The following SNX29 variants were observed in gnomAD, a reference collection of about 807,000 sequenced individuals.
SNX29 encodes the protein sorting nexin 29.
A neutral mutation model predicts 102.1 loss-of-function variants in SNX29; 78 were observed. That is an observed-to-expected ratio of 0.76 (90% confidence interval 0.64 to 0.92). SNX29 has a LOEUF of 0.92. Ranked by LOEUF, SNX29 falls within the 40% of genes least tolerant of loss-of-function variation. SNX29 has a pLI of 0.00. For synonymous variants in SNX29, 580 were observed against 414.5 expected, an observed-to-expected ratio of 1.40 and a Z score of -4.85; for missense variants, 1,280 against 1,061.7, an observed-to-expected ratio of 1.21 and a Z score of -2.86.
At chr16:12,181,394 C>G (rs2076381390) in intron 13 of SNX29, among the ~76,000 whole-genome samples, 3 of 152,198 alleles carry the variant, frequency 2.0e-5, no homozygotes, top group South Asian at 4.1e-4. Context: ...CAACTCGAAG[C>G]AGGGCTTCCA....
intron 20 of SNX29, among the ~76,000 whole-genome samples, chr16:12,552,598 A>C (rs1360342993): frequency 6.6e-6 from 1 of 152,168 alleles, no homozygotes; most frequent in African/African-American, 2.4e-5. Flanking sequence ...TTATATTCTC[A>C]TGGGGATGAC....
At chr16:12,556,719 A>C (rs1276380861) in intron 20 of SNX29, among the ~76,000 whole-genome samples, 1 of 152,140 alleles carries the variant, frequency 6.6e-6, no homozygotes, top group African/African-American at 2.4e-5. Flanking sequence ...TGGGTCTTGG[A>C]TTTTGTTTGG....
intron 16 of SNX29, among the ~76,000 whole-genome samples, chr16:12,379,996 A>C (rs13339535): frequency 0.028 from 4,234 of 152,204 alleles, 201 homozygotes; most frequent in African/African-American, 0.097. Context: ...CAAGTTGTCC[A>C]GGAGGCAGAT....
At chr16:12,181,496 G>A (rs914444049) in intron 13 of SNX29, among the ~76,000 whole-genome samples, 1 of 152,226 alleles carries the variant, frequency 6.6e-6, no homozygotes, top group African/African-American at 2.4e-5. Context: ...ATTCAGCTCA[G>A]TGAGTAGAGG....
rs2084667530 is a variant in SNX29 at position 12,417,094 on chromosome 16, G to A, written c.2037+13565G>A. Among the ~76,000 whole-genome samples the A allele has an allele frequency of 2.0e-5, 3 of 152,252 alleles. No homozygotes were observed. In the South Asian group the frequency reaches 6.2e-4, roughly 31 times the overall value. On this transcript the variant is annotated intron_variant, in intron 18 of 20. Transcript: ENST00000566228. ...TGCAGCCAGGGTGCCAGCCACCTCAGGCACAGTACTTCTTGGGAGCCTACC... is the reference window on the plus strand; with the variant it reads ...TGCAGCCAGGGTGCCAGCCACCTCAAGCACAGTACTTCTTGGGAGCCTACC...
chr16:12,013,498 A>AAAAAAAAAATAT (rs2056731896), intron 3 of SNX29, among the ~76,000 whole-genome samples: 1 of 33,528 alleles, frequency 3.0e-5, no homozygotes, highest in Non-Finnish European at 5.6e-5. Flanking sequence ...GAAAAAAAAA[A>AAAAAAAAAATAT]AAATATATAT....
rs746591251 is a variant in SNX29 at position 12,572,072 on chromosome 16, C to T, written c.*3443C>T. 4.1e-5 allele frequency: 44 copies of T among 1,063,602 alleles called. No individual in the cohort carries two copies. The Middle Eastern group carries it at 1.3e-3, about 30-fold the overall frequency. 65.9% of individuals were successfully genotyped at this position (1,063,602 alleles called of 1,614,324 possible). On this transcript the variant is annotated 3_prime_UTR_variant, in exon 21 of 21. Transcript: ENST00000566228. The stretch of plus-strand genomic sequence containing the variant: ...AAACAAGGGAACCATCTTGCAAGAT[C>T]TAGGAAGAGGAAGGGGAGGGATGTG...
intron 13 of SNX29, among the ~76,000 whole-genome samples, chr16:12,195,940 T>G (rs1032844398): frequency 1.3e-5 from 2 of 151,586 alleles, no homozygotes; most frequent in African/African-American, 4.8e-5. Flanking sequence ...TGGTTGTGAG[T>G]TTTTGGATAG....
At chr16:12,148,353 G>A (rs1313589984) in intron 13 of SNX29, among the ~76,000 whole-genome samples, 1 of 152,174 alleles carries the variant, frequency 6.6e-6, no homozygotes, top group East Asian at 1.9e-4. Context: ...CTTGTTTCTG[G>A]TAATGTGAGC....
At chr16:12,352,152 G>T (rs2082007248) in intron 15 of SNX29, among the ~76,000 whole-genome samples, 1 of 152,170 alleles carries the variant, frequency 6.6e-6, no homozygotes, top group South Asian at 2.1e-4. Flanking sequence ...TTAAAGAAAT[G>T]TGGCACATAT....
intron 9 of SNX29, among the ~76,000 whole-genome samples, chr16:12,068,035 A>T (rs1485672668): frequency 6.6e-6 from 1 of 152,180 alleles, no homozygotes; most frequent in Non-Finnish European, 1.5e-5. Flanking sequence ...CATTGTCAGG[A>T]ATTAGACCAT....
At chr16:12,275,428 G>C (rs1335401712) in intron 14 of SNX29, among the ~76,000 whole-genome samples, 3 of 152,206 alleles carry the variant, frequency 2.0e-5, no homozygotes, top group African/African-American at 7.2e-5. Flanking sequence ...GAATAAACAT[G>C]TATATTTTGC....
chr16:12,108,646 G>A (rs139739428), intron 11 of SNX29, among the ~76,000 whole-genome samples: 36 of 152,226 alleles, frequency 2.4e-4, no homozygotes, highest in Non-Finnish European at 4.3e-4. Context: ...TCATGTCCCT[G>A]TGCCCCGATG....
chr16:12,533,808 A>C (rs1272210766), intron 20 of SNX29, among the ~76,000 whole-genome samples: 1 of 152,122 alleles, frequency 6.6e-6, no homozygotes, highest in African/African-American at 2.4e-5. Flanking sequence ...GCCCCATCAA[A>C]AGGGATCAGC....
chr16:12,277,541 A>G (rs1455521729), intron 14 of SNX29, among the ~76,000 whole-genome samples: 1 of 152,220 alleles, frequency 6.6e-6, no homozygotes, highest in Non-Finnish European at 1.5e-5. Context: ...CTTCTGTCTC[A>G]TGACAGTTCT....
intron 13 of SNX29, among the ~76,000 whole-genome samples, chr16:12,184,310 T>C (rs1480775248): frequency 1.3e-5 from 2 of 152,216 alleles, no homozygotes; most frequent in African/African-American, 4.8e-5. Flanking sequence ...GTTTGTATGT[T>C]AGCTTCAGCT....
intron 15 of SNX29, among the ~76,000 whole-genome samples, chr16:12,285,265 C>T (rs759473779): frequency 6.6e-5 from 10 of 152,156 alleles, no homozygotes; most frequent in East Asian, 1.9e-4. Flanking sequence ...TCTTGCTTGC[C>T]GGCACCGTTT....
At chr16:12,187,903 G>C (rs1181705315) in intron 13 of SNX29, among the ~76,000 whole-genome samples, 2 of 152,156 alleles carry the variant, frequency 1.3e-5, no homozygotes, top group Non-Finnish European at 2.9e-5. Flanking sequence ...ACCTGATGCA[G>C]CTGAGGGAAA....
intron 20 of SNX29, among the ~76,000 whole-genome samples, chr16:12,567,583 A>G (rs1452256970): frequency 6.6e-6 from 1 of 152,096 alleles, no homozygotes; most frequent in Non-Finnish European, 1.5e-5. Flanking sequence ...CAGCCTGGAC[A>G]AGAGCAAGAC....
Sources: gnomAD v4.1 joint callset for allele counts (sites outside exome capture counted in the v4.1 genomes callset) on GRCh38, gnomAD v4.1.1 for gene constraint, MANE v1.5 for transcripts, NCBI Gene and HGNC (gene_info 2026-07-23, HGNC 2026-07-21) for gene names.